The following PKD2L2 variants were observed in gnomAD, a reference collection of about 807,000 sequenced individuals.
The protein encoded by PKD2L2 is polycystin-2-like protein 2.
In PKD2L2, 67 loss-of-function variants were observed where a neutral mutation model predicts 83.9. The observed-to-expected ratio is 0.80, with a 90% confidence interval of 0.66 to 0.98. The LOEUF is 0.98. Ranked by LOEUF, PKD2L2 falls within the 50% of genes least tolerant of loss-of-function variation. The pLI, the probability that PKD2L2 is intolerant of heterozygous loss-of-function variation, is 0.00. For synonymous variants in PKD2L2, 223 were observed against 237.8 expected (o/e 0.94, Z 0.57); for missense variants, 632 against 717.2 (o/e 0.88, Z 1.36).
At chr5:137,912,801 C>CT (rs71583287) in intron 8 of PKD2L2, among the ~76,000 whole-genome samples, 41,588 of 99,726 alleles carry the variant, frequency 0.42, 11,302 homozygotes, top group East Asian at 0.59. Context: ...TGTTTTCTTT[C>CT]TTTCTTTTTT....
intron 2 of PKD2L2, among the ~76,000 whole-genome samples, chr5:137,891,270 T>C (rs951927413): frequency 6.6e-6 from 1 of 152,172 alleles, no homozygotes; most frequent in African/African-American, 2.4e-5. Context: ...ATTGGTGTTG[T>C]AGGGGTGAGT....
intron 14 of PKD2L2, chr5:137,938,818 GAATA>G (rs1348075670): frequency 6.6e-6 from 1 of 152,382 alleles, no homozygotes; most frequent in Non-Finnish European, 1.5e-5. Flanking sequence ...TTTTTATATG[GAATA>G]AATTGTTAAT....
intron 10 of PKD2L2, among the ~76,000 whole-genome samples, chr5:137,924,562 T>C (rs960677246): frequency 2.0e-5 from 3 of 152,204 alleles, no homozygotes; most frequent in African/African-American, 7.2e-5. Flanking sequence ...GCATGCCCCA[T>C]GTTTCTAAAG....
At position 137,919,514 on chromosome 5, in the gene PKD2L2, C is replaced by CTT. The variant is rs879670765; in HGVS notation, c.1329-2112_1329-2111dup. On this transcript the variant is annotated intron_variant, in intron 8 of 14. Transcript: ENST00000508883. The stretch of plus-strand genomic sequence containing the variant: ...AAAAGAATGAGAATGGTTCCTTCAT[C>CTT]TTTTTTTTTTTCCCCAACTCAAAGA... Among the ~76,000 whole-genome samples, 212 of 148,446 alleles carry CTT rather than the reference C, an allele frequency of 1.4e-3. 2 individuals carry two copies. Among genetic ancestry groups the CTT allele is most frequent in the African/African-American group, 2.6e-3 (104 of 40,642 alleles).
intron 9 of PKD2L2, 101 bp downstream of exon 9, chr5:137,921,857 C>T (rs1232331431): frequency 2.2e-6 from 2 of 908,922 alleles, no homozygotes; most frequent in African/African-American, 3.4e-5. Flanking sequence ...TGTCAGAGTA[C>T]TTTACATTTA....
intron 14 of PKD2L2, among the ~76,000 whole-genome samples, chr5:137,936,677 G>C (rs1046810700): frequency 6.6e-6 from 1 of 152,154 alleles, no homozygotes; most frequent in Admixed American, 6.5e-5. Flanking sequence ...GGATCGTCTC[G>C]ATCTCCTGAC....
chr5:137,898,506 G>A (rs900571356), intron 4 of PKD2L2, among the ~76,000 whole-genome samples: 18 of 151,992 alleles, frequency 1.2e-4, no homozygotes, highest in Admixed American at 1.2e-3. Flanking sequence ...AAAAACAGTC[G>A]TCATTTTCTA....
Position 137,908,876 on chromosome 5 carries a change from G to T in PKD2L2, c.1258G>T (p.Ala420Ser). 6.2e-7 allele frequency: 1 copy of T among 1,608,180 alleles called. No homozygotes were observed. Among genetic ancestry groups the T allele is most frequent in the Non-Finnish European group, 8.5e-7 (1 of 1,175,540 alleles). The change falls in exon 8 of 15, where the codon GCT becomes TCT. Residue 420 changes from alanine (A) to serine (S), a missense_variant. Transcript: ENST00000508883. ...CATCATGTTTTTTATAATATTCTTTGCTTATGCCCAGTTAGGATTTCTTGT... is the reference window on the plus strand; with the variant it reads ...CATCATGTTTTTTATAATATTCTTTTCTTATGCCCAGTTAGGATTTCTTGT... ...FAIMFFIIFF[A>S]YAQLGFLVFG...
At chr5:137,930,278 T>C (rs1759756444) in intron 12 of PKD2L2, among the ~76,000 whole-genome samples, 1 of 152,150 alleles carries the variant, frequency 6.6e-6, no homozygotes, top group Non-Finnish European at 1.5e-5. Context: ...AAAAAAATTC[T>C]ATGAAAACAA....
At chr5:137,918,629 G>A (rs1758594268) in intron 8 of PKD2L2, among the ~76,000 whole-genome samples, 1 of 152,188 alleles carries the variant, frequency 6.6e-6, no homozygotes, top group Non-Finnish European at 1.5e-5. Context: ...AGGCTAATGA[G>A]TAGGGGATGC....
intron 14 of PKD2L2, chr5:137,939,153 C>T (rs188296688): frequency 1.3e-5 from 2 of 152,094 alleles, no homozygotes; most frequent in East Asian, 3.9e-4. Context: ...TTATGATTGA[C>T]CAAAGGGTGG....
chr5:137,890,937 C>G (rs12521309), intron 2 of PKD2L2, among the ~76,000 whole-genome samples: 17,306 of 152,126 alleles, frequency 0.11, 1,530 homozygotes, highest in East Asian at 0.33. Flanking sequence ...GACACATCAG[C>G]TGAGTTTCAT....
chr5:137,940,808 G>T (rs1366390571), intron 14 of PKD2L2, among the ~76,000 whole-genome samples: 1 of 152,094 alleles, frequency 6.6e-6, no homozygotes, highest in African/African-American at 2.4e-5. Context: ...CAGTTTAATC[G>T]CTAGCTAAAG....
At position 137,908,857 on chromosome 5, in the gene PKD2L2, GT is replaced by G; in HGVS notation, c.1245del (p.Phe415LeufsTer2). 6.2e-7 allele frequency: 1 copy of G among 1,603,128 alleles called. No individual in the cohort carries two copies. The highest frequency in any genetic ancestry group is 8.5e-7 in the Non-Finnish European group (1 of 1,170,552). Reference protein sequence around the residue: ...VKDIVGFAIMFFIIFFAYAQL... With the variant: ...VKDIVGFAIMXFIIFFAYAQL... ...AAGACATAGTAGGATTTGCCATCAT[GT>G]TTTTTATAATATTCTTTGCTTATGC... On this transcript the variant is annotated frameshift_variant, in exon 8 of 15. Coordinates refer to ENST00000508883, the MANE Select transcript of PKD2L2 (RefSeq NM_001300921.2). LOFTEE classifies it high-confidence loss of function.
chr5:137,942,710 G>T lies in PKD2L2; in HGVS notation c.*344G>T. 1 of 588,624 alleles carries T rather than the reference G, an allele frequency of 1.7e-6. No individual in the cohort carries two copies. Among genetic ancestry groups the T allele is most frequent in the Non-Finnish European group, 2.8e-6 (1 of 358,430 alleles). 36.5% of individuals were successfully genotyped at this position (588,624 alleles called of 1,614,324 possible). A position where few individuals can be genotyped will look rare whatever the true frequency, so the allele number is the denominator to read the frequency against. Reference sequence around the variant, plus strand: ...ATACAGTAATGTTTTATTTAAAAATGGGAATGACAATAAATATTTGCAAAT... The same window carrying T: ...ATACAGTAATGTTTTATTTAAAAATTGGAATGACAATAAATATTTGCAAAT... On this transcript the variant is annotated 3_prime_UTR_variant, in exon 15 of 15. Transcript: ENST00000508883.
chr5:137,920,581 A>AC (rs1758801306), intron 8 of PKD2L2, among the ~76,000 whole-genome samples: 1 of 151,854 alleles, frequency 6.6e-6, no homozygotes, highest in Non-Finnish European at 1.5e-5. Context: ...AGATGGTGAA[A>AC]CCCCATCTCT....
rs1357395419 is a variant in PKD2L2, at chr5:137,906,193, C to T, written c.747-13C>T. On this transcript the variant is annotated splice_polypyrimidine_tract_variant and intron_variant, in intron 5 of 14. Coordinates refer to ENST00000508883, the MANE Select transcript of PKD2L2 (RefSeq NM_001300921.2). ...TGAAATGAACAGTTGCTTTCACAAA[C>T]CTGATTTTACAGATTGGTGGCAGAA... The T allele has an allele frequency of 2.0e-6, 3 of 1,533,900 alleles. No homozygotes were observed. The highest frequency in any genetic ancestry group is 2.3e-5 in the South Asian group (2 of 85,422).
intron 14 of PKD2L2, among the ~76,000 whole-genome samples, chr5:137,941,200 G>A (rs1450568590): frequency 6.6e-6 from 1 of 152,078 alleles, no homozygotes; most frequent in Non-Finnish European, 1.5e-5. Flanking sequence ...GAGCCACTGC[G>A]CCTGGCCCAC....
At chr5:137,921,563 C>T (rs1758908272) in intron 8 of PKD2L2, 73 bp from the exon 9 acceptor site, 1 of 899,144 alleles carries the variant, frequency 1.1e-6, no homozygotes, top group Non-Finnish European at 1.8e-6. Flanking sequence ...CTCTTAGAGA[C>T]ATTAGTAACT....
Sources: gnomAD v4.1 joint callset for allele counts (sites outside exome capture counted in the v4.1 genomes callset) on GRCh38, gnomAD v4.1.1 for gene constraint, MANE v1.5 for transcripts, NCBI Gene and HGNC (gene_info 2026-07-23, HGNC 2026-07-21) for gene names.